Variants in RASSF3 observed in about 807,000 individuals in gnomAD.
RASSF3 encodes ras association domain-containing protein 3.
A neutral mutation model predicts 19.9 loss-of-function variants in RASSF3; 19 were observed. The ratio of observed to expected loss-of-function variants is 0.96; its 90% CI spans 0.67 to 1.40. The LOEUF (loss-of-function observed/expected upper bound fraction) is 1.40, where lower values mean the gene tolerates loss of function less well. RASSF3 is among the 40% of genes most tolerant of loss of function. The probability of loss-of-function intolerance (pLI) is 0.00; values close to 1 mark genes in which losing one functional copy is unlikely to be tolerated. For synonymous variants in RASSF3, 110 were observed against 104.2 expected (o/e 1.06, Z -0.34); for missense variants, 306 against 289.8 (o/e 1.06, Z -0.41).
intron 2 of RASSF3, among the ~76,000 whole-genome samples, chr12:64,575,231 A>T (rs1869576628): frequency 6.6e-6 from 1 of 152,258 alleles, no homozygotes; most frequent in African/African-American, 2.4e-5. Flanking sequence ...TATACCAGTA[A>T]CAAAAATAAT....
chr12:64,630,476 T>C (rs1424638867), intron 1 of RASSF3, among the ~76,000 whole-genome samples: 1 of 152,182 alleles, frequency 6.6e-6, no homozygotes, highest in East Asian at 1.9e-4. Context: ...CAGTGAGCTA[T>C]GGTCACACCA....
At chr12:64,606,842 G>C (rs1870202283), upstream of RASSF3, among the ~76,000 whole-genome samples, 1 of 152,016 alleles carries the variant, frequency 6.6e-6, no homozygotes, top group Admixed American at 6.6e-5. Flanking sequence ...CTTGAACTTG[G>C]TTGCATACAT....
At chr12:64,583,102 A>C (rs1288015102) in intron 2 of RASSF3, among the ~76,000 whole-genome samples, 1 of 151,970 alleles carries the variant, frequency 6.6e-6, no homozygotes, top group Non-Finnish European at 1.5e-5. Flanking sequence ...CCTCCGCCCC[A>C]CTTTCTACTC....
intron 1 of RASSF3, among the ~76,000 whole-genome samples, chr12:64,538,496 T>C (rs1868875502): frequency 6.6e-6 from 1 of 152,160 alleles, no homozygotes; most frequent in African/African-American, 2.4e-5. Context: ...TCTTTCAAAT[T>C]TGACTTTCCA....
At chr12:64,691,062 A>T (rs988945058) in intron 3 of RASSF3, among the ~76,000 whole-genome samples, 4 of 151,600 alleles carry the variant, frequency 2.6e-5, no homozygotes, top group African/African-American at 7.3e-5. Context: ...GGGTTTTGCC[A>T]TGTTGGCCAG....
intron 2 of RASSF3, among the ~76,000 whole-genome samples, chr12:64,571,996 A>G (rs1869526088): frequency 6.6e-6 from 1 of 152,186 alleles, no homozygotes; most frequent in Admixed American, 6.5e-5. Context: ...TTCATAGGTT[A>G]TGACGTTCAT....
chr12:64,580,577 C>CAT (rs1047863934), intron 2 of RASSF3, among the ~76,000 whole-genome samples: 1 of 122,280 alleles, frequency 8.2e-6, no homozygotes, highest in Non-Finnish European at 1.7e-5. Context: ...TTTAGGAAAA[C>CAT]ACACACACAC....
At chr12:64,612,623 G>T (rs1476804424) in intron 1 of RASSF3, among the ~76,000 whole-genome samples, 2 of 151,636 alleles carry the variant, frequency 1.3e-5, no homozygotes, top group Non-Finnish European at 2.9e-5. Flanking sequence ...TTACAGGCAT[G>T]CACCACCACA....
chr12:64,569,432 C>T (rs982053320), intron 2 of RASSF3, among the ~76,000 whole-genome samples: 1 of 152,226 alleles, frequency 6.6e-6, no homozygotes, highest in African/African-American at 2.4e-5. Context: ...ACAAACTCCA[C>T]ACCTGTGGTG....
intron 2 of RASSF3, among the ~76,000 whole-genome samples, chr12:64,562,764 G>A (rs1396917801): frequency 6.6e-6 from 1 of 152,062 alleles, no homozygotes; most frequent in Admixed American, 6.6e-5. Context: ...AGGACTACAG[G>A]TGTATGCCAC....
At chr12:64,678,648 C>CAAAAAAAAAAAAAAAA (rs767180678) in intron 1 of RASSF3, among the ~76,000 whole-genome samples, 2 of 90,924 alleles carry the variant, frequency 2.2e-5, no homozygotes, top group Non-Finnish European at 4.2e-5. Flanking sequence ...TCCGTAATAC[C>CAAAAAAAAAAAAAAAA]AAAAAAAAAA....
chr12:64,669,776 G>T (rs932692642), intron 1 of RASSF3, among the ~76,000 whole-genome samples: 4 of 151,472 alleles, frequency 2.6e-5, no homozygotes, highest in African/African-American at 9.7e-5. Flanking sequence ...TCCCAGCCTC[G>T]GGCTTCCTGT....
chr12:64,516,611 T>A lies in RASSF3; in HGVS notation c.169+9282T>A, dbSNP rs564438330. Among the ~76,000 whole-genome samples, 7 of 120,978 alleles carry A rather than the reference T, an allele frequency of 5.8e-5. No individual in the cohort carries two copies. The East Asian group carries it at 1.7e-3, about 29-fold the overall frequency. The allele number at this position is 120,978 out of a possible 152,430, so 79.4% of individuals were successfully genotyped here. A position where few individuals can be genotyped will look rare whatever the true frequency, so the allele number is the denominator to read the frequency against. ...TCCAGCCTGGGCGACAGAGCGAGACTCCGTCTCAAAAAAAAAAAAAAAGAT... is the reference window on the plus strand; with the variant it reads ...TCCAGCCTGGGCGACAGAGCGAGACACCGTCTCAAAAAAAAAAAAAAAGAT... On this transcript the variant is annotated intron_variant, in intron 1 of 5. Transcript: ENST00000637125.
chr12:64,516,668 A>T (rs1440621609), intron 1 of RASSF3, among the ~76,000 whole-genome samples: 2 of 151,032 alleles, frequency 1.3e-5, no homozygotes, highest in Admixed American at 6.6e-5. Context: ...CAACATGATT[A>T]TATATCAGGA....
At chr12:64,598,025 C>A (rs541527777) in intron 2 of RASSF3, among the ~76,000 whole-genome samples, 1 of 152,298 alleles carries the variant, frequency 6.6e-6, no homozygotes, top group Admixed American at 6.5e-5. Context: ...TCAAGCAATT[C>A]TCCTTCCACA....
chr12:64,675,039 C>T lies in RASSF3; in HGVS notation c.112-9748C>T, dbSNP rs1174892055. On this transcript the variant is annotated intron_variant, in intron 1 of 4. Coordinates refer to ENST00000542104, the MANE Select transcript of RASSF3 (RefSeq NM_178169.4). ...TGTGTTAGAAGTTGTCTAAAATACC[C>T]ACCTAGCCCCCCCCCCCCCCGCCAC... Among the ~76,000 whole-genome samples the T allele has an allele frequency of 3.1e-5, 4 of 130,646 alleles. No homozygotes were observed. In the East Asian group the frequency reaches 8.5e-4, roughly 28 times the overall value. 85.7% of individuals were successfully genotyped at this position (130,646 alleles called of 152,430 possible).
At chr12:64,599,984 A>G (rs913492498) in intron 2 of RASSF3, among the ~76,000 whole-genome samples, 15 of 146,096 alleles carry the variant, frequency 1.0e-4, no homozygotes, top group Admixed American at 2.8e-4. Flanking sequence ...GTGAGCCAAG[A>G]TCGCGCCACT....
intron 2 of RASSF3, among the ~76,000 whole-genome samples, chr12:64,578,815 C>T (rs1300989676): frequency 6.6e-6 from 1 of 152,194 alleles, no homozygotes; most frequent in Non-Finnish European, 1.5e-5. Context: ...GCAACTGCCT[C>T]CGTCAGCCAG....
intron 2 of RASSF3, among the ~76,000 whole-genome samples, chr12:64,555,251 A>C (rs1869237415): frequency 6.6e-6 from 1 of 151,890 alleles, no homozygotes; most frequent in Admixed American, 6.6e-5. Context: ...AAAAAAAAAA[A>C]ATTTGATTCT....
Sources: gnomAD v4.1 joint callset for allele counts (sites outside exome capture counted in the v4.1 genomes callset) on GRCh38, gnomAD v4.1.1 for gene constraint, MANE v1.5 for transcripts, NCBI Gene and HGNC (gene_info 2026-07-23, HGNC 2026-07-21) for gene names.